The following NHS variants were observed in gnomAD, a reference collection of about 807,000 sequenced individuals.
NHS encodes NHS actin remodeling regulator.
NHS carries 5 observed loss-of-function variants against 72.5 expected under a neutral mutation model. That is an observed-to-expected ratio of 0.07 (90% CI 0.04 to 0.14). The LOEUF (loss-of-function observed/expected upper bound fraction) is 0.14. Among genes scored for constraint, NHS ranks in the 10% least tolerant of loss-of-function variants. NHS has a pLI of 1.00. For missense variants in NHS, 1,072 were observed against 1,355.7 expected, an observed-to-expected ratio of 0.79 and a Z score of 3.29; for synonymous variants, 464 against 547.7, an observed-to-expected ratio of 0.85 and a Z score of 2.13.
chrX:17,679,933 A>G (rs1235692496), intron 1 of NHS, among the ~76,000 whole-genome samples: 1 of 110,637 alleles, frequency 9.0e-6, no homozygotes, highest in Non-Finnish European at 1.9e-5. Flanking sequence ...GATGATATGT[A>G]TACTCTAAGT....
intron 1 of NHS, among the ~76,000 whole-genome samples, chrX:17,520,131 G>T (rs111534292): frequency 0.02 from 2,257 of 111,587 alleles, 63 homozygotes; most frequent in African/African-American, 0.069. Flanking sequence ...CATCTTTGTG[G>T]ACATTTAAAA....
intron 1 of NHS, among the ~76,000 whole-genome samples, chrX:17,447,396 A>ATT (rs780098067): frequency 0.01 from 1,092 of 107,685 alleles, 13 homozygotes; most frequent in African/African-American, 0.034. Flanking sequence ...GCGTTGGTTG[A>ATT]TTTTTTTTTT....
rs188482430 is a variant in NHS at position 17,533,445 on chromosome X, C to T, written c.566-154297C>T. On this transcript the variant is annotated intron_variant, in intron 1 of 8. Transcript: ENST00000676302. ...GGGATTACAGGCATGCACCACCACG[C>T]CTGGCTAATTTTTGTATTTTTTCTA... Among the ~76,000 whole-genome samples, 180 of 110,918 alleles carry T rather than the reference C, an allele frequency of 1.6e-3. 1 individual carries two copies. In the East Asian group the frequency reaches 0.046, roughly 28 times the overall value.
chrX:17,508,108 A>G (rs2065068139), intron 1 of NHS, among the ~76,000 whole-genome samples: 1 of 111,200 alleles, frequency 9.0e-6, no homozygotes, highest in Non-Finnish European at 1.9e-5. Flanking sequence ...GGCATCTAGT[A>G]CATTCACAAT....
intron 1 of NHS, among the ~76,000 whole-genome samples, chrX:17,517,342 C>A (rs1432816855): frequency 1.8e-5 from 2 of 111,940 alleles, no homozygotes; most frequent in Non-Finnish European, 3.8e-5. Flanking sequence ...TGTTGATGCC[C>A]AAATCCAATT....
chrX:17,483,157 G>T (rs2064953484), intron 1 of NHS, among the ~76,000 whole-genome samples: 1 of 112,171 alleles, frequency 8.9e-6, no homozygotes. Flanking sequence ...GAAACCTATG[G>T]ATCCCTTCTC....
At chrX:17,567,220 A>G (rs978369844) in intron 1 of NHS, among the ~76,000 whole-genome samples, 1 of 112,095 alleles carries the variant, frequency 8.9e-6, no homozygotes, top group African/African-American at 3.3e-5. Context: ...CTCAGTAACC[A>G]GTTGTGTGCT....
At chrX:17,498,082 C>G (rs965925470) in intron 1 of NHS, among the ~76,000 whole-genome samples, 2 of 111,910 alleles carry the variant, frequency 1.8e-5, no homozygotes, top group Non-Finnish European at 3.8e-5. Flanking sequence ...TTTAAAACTC[C>G]CCAGATGATT....
intron 5 of NHS, among the ~76,000 whole-genome samples, chrX:17,723,726 G>GGTGTGTGTGTGTGTGTGTGTGTGT (rs3222310): frequency 1.3e-4 from 9 of 71,072 alleles, no homozygotes; most frequent in South Asian, 1.1e-3. Flanking sequence ...CAGCAAAAGA[G>GGTGTGTGTGTGTGTGTGTGTGTGT]GTGTGTGTGT....
At chrX:17,430,303 CTTTCTT>C (rs1352606189) in intron 1 of NHS, among the ~76,000 whole-genome samples, 1 of 70,942 alleles carries the variant, frequency 1.4e-5, no homozygotes, top group East Asian at 4.8e-4. Context: ...TTCTTTCTTT[CTTTCTT>C]TCTTTCCTTT....
chrX:17,552,082 A>G (rs772788466), intron 1 of NHS, among the ~76,000 whole-genome samples: 2 of 111,901 alleles, frequency 1.8e-5, no homozygotes, highest in Non-Finnish European at 3.8e-5. Flanking sequence ...CCAATTAGGC[A>G]AGTAAGTAAT....
chrX:17,519,275 T>G (rs2065135699), intron 1 of NHS, among the ~76,000 whole-genome samples: 1 of 112,149 alleles, frequency 8.9e-6, no homozygotes, highest in Admixed American at 9.5e-5. Context: ...CCTTGACATC[T>G]CGAGACCTCA....
chrX:17,542,038 G>GA (rs1412267373), intron 1 of NHS, among the ~76,000 whole-genome samples: 3 of 112,056 alleles, frequency 2.7e-5, no homozygotes, highest in East Asian at 2.8e-4. Flanking sequence ...AGAAAACATT[G>GA]AAAAACAAAC....
chrX:17,396,425 A>G (rs933300358), intron 1 of NHS, among the ~76,000 whole-genome samples: 46 of 110,589 alleles, frequency 4.2e-4, no homozygotes, highest in African/African-American at 1.5e-3. Context: ...TTAAAATGCT[A>G]GTCATGACCT....
chrX:17,523,982 GC>G (rs1437002300), intron 1 of NHS, among the ~76,000 whole-genome samples: 1 of 111,860 alleles, frequency 8.9e-6, no homozygotes, highest in Non-Finnish European at 1.9e-5. Flanking sequence ...GCTATGAAGG[GC>G]AGCTGGGAAG....
intron 1 of NHS, among the ~76,000 whole-genome samples, chrX:17,663,971 G>A (rs1001519469): frequency 3.6e-5 from 4 of 111,457 alleles, no homozygotes; most frequent in Non-Finnish European, 7.5e-5. Context: ...ACCTTTTCAC[G>A]TGCTTAGTAG....
intron 1 of NHS, among the ~76,000 whole-genome samples, chrX:17,618,585 A>G (rs1449846256): frequency 8.9e-6 from 1 of 112,347 alleles, no homozygotes; most frequent in South Asian, 3.7e-4. Flanking sequence ...CATGCAATGT[A>G]CAGACTTAAA....
intron 1 of NHS, among the ~76,000 whole-genome samples, chrX:17,492,867 A>C (rs2064997800): frequency 8.9e-6 from 1 of 111,829 alleles, no homozygotes; most frequent in African/African-American, 3.3e-5. Flanking sequence ...GGAATGCTAC[A>C]TTTCAGTTAG....
At chrX:17,445,372 T>C (rs1448900226) in intron 1 of NHS, among the ~76,000 whole-genome samples, 1 of 111,896 alleles carries the variant, frequency 8.9e-6, no homozygotes. Flanking sequence ...TCTGACATCA[T>C]AGTGTTATCT....
Sources: gnomAD v4.1 joint callset for allele counts (sites outside exome capture counted in the v4.1 genomes callset) on GRCh38, gnomAD v4.1.1 for gene constraint, MANE v1.5 for transcripts, NCBI Gene and HGNC (gene_info 2026-07-23, HGNC 2026-07-21) for gene names.